SGCZ: variants seen among roughly 807,000 people sequenced by gnomAD.
SGCZ encodes the protein sarcoglycan zeta.
In SGCZ, 40 loss-of-function variants were observed where a neutral mutation model predicts 41.3. That is an observed-to-expected ratio of 0.97 (90% CI 0.75 to 1.26). The LOEUF (loss-of-function observed/expected upper bound fraction) is 1.26, where lower values mean the gene tolerates loss of function less well. Ranked by LOEUF, SGCZ falls within the 50% of genes most tolerant of loss-of-function variation. SGCZ has a pLI of 0.00. For missense variants in SGCZ, 552 were observed against 369.8 expected (o/e 1.49, Z -4.04); for synonymous variants, 206 against 137.5 (o/e 1.50, Z -3.49).
chr8:14,170,723 G>A (rs1804353155), intron 4 of SGCZ, among the ~76,000 whole-genome samples: 1 of 151,984 alleles, frequency 6.6e-6, no homozygotes, highest in Admixed American at 6.6e-5. Context: ...AAGTTGACGG[G>A]TGAGACGTTA....
chr8:14,781,621 C>G (rs1042211105), intron 1 of SGCZ, among the ~76,000 whole-genome samples: 3 of 152,118 alleles, frequency 2.0e-5, no homozygotes, highest in African/African-American at 7.2e-5. Flanking sequence ...CCATTCATTT[C>G]TAATAACATA....
chr8:14,155,372 T>A (rs1803846321), intron 5 of SGCZ, among the ~76,000 whole-genome samples: 1 of 152,188 alleles, frequency 6.6e-6, no homozygotes, highest in African/African-American at 2.4e-5. Context: ...TGGTAGTTAC[T>A]TTCACTAGTT....
intron 2 of SGCZ, among the ~76,000 whole-genome samples, chr8:14,345,037 T>C (rs982171350): frequency 2.0e-5 from 3 of 152,122 alleles, no homozygotes; most frequent in African/African-American, 7.2e-5. Flanking sequence ...CGTGTGCATA[T>C]ACACACACAA....
chr8:15,058,032 C>T (rs1173009721), intron 1 of SGCZ, among the ~76,000 whole-genome samples: 2 of 152,118 alleles, frequency 1.3e-5, no homozygotes, highest in Non-Finnish European at 2.9e-5. Context: ...GTCATTAAAA[C>T]AGTGAATAAA....
intron 1 of SGCZ, among the ~76,000 whole-genome samples, chr8:15,224,766 A>C (rs1168857875): frequency 6.6e-6 from 1 of 152,180 alleles, no homozygotes; most frequent in East Asian, 1.9e-4. Context: ...GCCAAAATAA[A>C]GCTGGATAAT....
intron 2 of SGCZ, among the ~76,000 whole-genome samples, chr8:14,404,321 C>A (rs917277545): frequency 1.3e-5 from 2 of 151,978 alleles, no homozygotes; most frequent in African/African-American, 4.8e-5. Flanking sequence ...TTAATAAATG[C>A]CATGAATGTC....
intron 1 of SGCZ, among the ~76,000 whole-genome samples, chr8:14,619,397 T>C (rs929078394): frequency 1.3e-5 from 2 of 152,144 alleles, no homozygotes; most frequent in African/African-American, 4.8e-5. Flanking sequence ...GGATGCCCTC[T>C]CTCACCACTC....
chr8:14,511,218 G>C (rs1802458435), intron 2 of SGCZ, among the ~76,000 whole-genome samples: 1 of 5,134 alleles, frequency 1.9e-4, no homozygotes, highest in Non-Finnish European at 3.6e-4. Context: ...TTCTGTCTTG[G>C]CAGTCCCTGT....
chr8:14,305,210 T>C (rs1299504101), intron 3 of SGCZ, among the ~76,000 whole-genome samples: 2 of 152,172 alleles, frequency 1.3e-5, no homozygotes, highest in East Asian at 3.8e-4. Context: ...AATCTACCAA[T>C]ATAACTATCA....
chr8:14,970,301 G>C (rs1426730949), intron 1 of SGCZ, among the ~76,000 whole-genome samples: 2 of 152,040 alleles, frequency 1.3e-5, no homozygotes, highest in Non-Finnish European at 2.9e-5. Context: ...CACTTACTCT[G>C]TCTTGTCTTT....
At chr8:14,381,803 C>G (rs1031447040) in intron 2 of SGCZ, among the ~76,000 whole-genome samples, 2 of 151,496 alleles carry the variant, frequency 1.3e-5, no homozygotes, top group African/African-American at 4.9e-5. Flanking sequence ...AAACAAAAAA[C>G]AAAAAACAAA....
At chr8:15,104,876 T>C (rs1427008108) in intron 1 of SGCZ, among the ~76,000 whole-genome samples, 1 of 152,246 alleles carries the variant, frequency 6.6e-6, no homozygotes, top group African/African-American at 2.4e-5. Context: ...TTGAATTCTG[T>C]ATACATTTGT....
At position 14,088,959 on chromosome 8, in the gene SGCZ, GA is replaced by G. The variant is rs917700877; in HGVS notation, c.*1483del. On this transcript the variant is annotated 3_prime_UTR_variant, in exon 8 of 8. Coordinates refer to ENST00000382080, the MANE Select transcript of SGCZ (RefSeq NM_139167.4). Reference sequence around the variant, plus strand: ...AAATGTTGATAGTGTGCATGAGGGAGAAAAACGTTTGATTGACATGTGAAAA... The same window carrying G: ...AAATGTTGATAGTGTGCATGAGGGAGAAAACGTTTGATTGACATGTGAAAA... Among the ~76,000 whole-genome samples, 1 of 151,882 alleles carries G rather than the reference GA, an allele frequency of 6.6e-6. No homozygotes were observed. Among genetic ancestry groups the G allele is most frequent in the African/African-American group, 2.4e-5 (1 of 41,404 alleles).
At chr8:14,951,549 T>C (rs962238554) in intron 1 of SGCZ, among the ~76,000 whole-genome samples, 2 of 152,042 alleles carry the variant, frequency 1.3e-5, no homozygotes, top group Non-Finnish European at 2.9e-5. Flanking sequence ...AAGAATTATC[T>C]GATAAAAGTG....
chr8:14,272,356 T>C lies in SGCZ; in HGVS notation c.337-34677A>G, dbSNP rs371098112. Among the ~76,000 whole-genome samples, 22 of 152,282 alleles carry C rather than the reference T, an allele frequency of 1.4e-4. No homozygotes were observed. In the South Asian group the frequency reaches 1.5e-3, roughly 10 times the overall value. The stretch of plus-strand genomic sequence containing the variant: ...ATATAAATTCCATACAGGGTGACTA[T>C]ATGACGGACTTTTCCTGAGACAGTC... On this transcript the variant is annotated intron_variant, in intron 3 of 7. Transcript: ENST00000382080.
intron 2 of SGCZ, among the ~76,000 whole-genome samples, chr8:14,551,484 ATATATTATATATAT>A (rs1803822148): frequency 4.3e-4 from 2 of 4,698 alleles, no homozygotes; most frequent in African/African-American, 9.7e-4. Flanking sequence ...TATATATTAT[ATATATTATATATAT>A]TATATATATT....
rs528457928 is a variant in SGCZ, at chr8:14,946,339, G to A, written c.39+291246C>T. Among the ~76,000 whole-genome samples the A allele has an allele frequency of 5.9e-5, 9 of 151,546 alleles. No individual in the cohort carries two copies. In the East Asian group the frequency reaches 1.2e-3, roughly 20 times the overall value. ...AGGCTGCTAGTCTCGGAGTGGCCAC[G>A]TATACTCCTCGCGCATCACAGAAGG... On this transcript the variant is annotated intron_variant, in intron 1 of 7. Coordinates refer to ENST00000382080, the MANE Select transcript of SGCZ (RefSeq NM_139167.4).
At chr8:14,334,001 T>C (rs929774586) in intron 2 of SGCZ, among the ~76,000 whole-genome samples, 7 of 152,242 alleles carry the variant, frequency 4.6e-5, no homozygotes, top group African/African-American at 1.7e-4. Context: ...TTTACGGGTG[T>C]CACTTCCTAT....
chr8:15,060,082 T>G (rs1209757356), intron 1 of SGCZ, among the ~76,000 whole-genome samples: 2 of 152,020 alleles, frequency 1.3e-5, no homozygotes, highest in African/African-American at 4.8e-5. Context: ...CTTTGGGAAC[T>G]AGTTCAACCA....
Sources: allele counts gnomAD v4.1 joint callset (sites outside exome capture counted in the v4.1 genomes callset), GRCh38; gene constraint gnomAD v4.1.1; transcripts MANE v1.5; gene names NCBI Gene and HGNC (gene_info 2026-07-23, HGNC 2026-07-21).